ACTR3C: variants seen among roughly 807,000 people sequenced by gnomAD.
The protein encoded by ACTR3C is actin related protein 3C.
A neutral mutation model predicts 26.3 loss-of-function variants in ACTR3C; 18 were observed. The observed-to-expected ratio is 0.68, with a 90% CI of 0.47 to 1.01. ACTR3C has a LOEUF of 1.01. ACTR3C is among the 50% of genes least tolerant of loss of function. The pLI, the probability that ACTR3C is intolerant of heterozygous loss-of-function variation, is 0.00. For synonymous variants in ACTR3C, 55 were observed against 94.5 expected, an observed-to-expected ratio of 0.58 and a Z score of 2.42; for missense variants, 184 against 250.7, an observed-to-expected ratio of 0.73 and a Z score of 1.80.
chr7:150,011,885 T>C, the ACTR3C span, among the ~76,000 whole-genome samples: 33,237 of 152,156 alleles, frequency 0.22, 3,837 homozygotes, highest in East Asian at 0.42. Context: ...TATAAAATGC[T>C]TACTGTCTAG....
the ACTR3C span, among the ~76,000 whole-genome samples, chr7:150,137,655 CA>C: frequency 6.6e-6 from 1 of 152,114 alleles, no homozygotes; most frequent in African/African-American, 2.4e-5. Flanking sequence ...GAAAATAGTA[CA>C]AACCGTTTAG....
At chr7:150,147,695 A>G in the ACTR3C span, among the ~76,000 whole-genome samples, 1 of 152,196 alleles carries the variant, frequency 6.6e-6, no homozygotes. Flanking sequence ...TCTGTGGGTC[A>G]GGCAGCAGTC....
chr7:150,229,036 T>C, the ACTR3C span, among the ~76,000 whole-genome samples: 1 of 152,094 alleles, frequency 6.6e-6, no homozygotes, highest in Admixed American at 6.6e-5. Context: ...AAATTTGTTA[T>C]ACTACAAATT....
intron 1 of ACTR3C, among the ~76,000 whole-genome samples, chr7:150,297,092 A>T (rs1265822788): frequency 6.6e-6 from 1 of 151,734 alleles, no homozygotes; most frequent in Non-Finnish European, 1.5e-5. Context: ...TACGACAGGG[A>T]AAGTACAATC....
the ACTR3C span, among the ~76,000 whole-genome samples, chr7:150,039,783 G>T: frequency 7.4e-6 from 1 of 135,964 alleles, no homozygotes; most frequent in Non-Finnish European, 1.7e-5. Context: ...AGCCAGGGGG[G>T]GAAGAGGGAC....
chr7:149,929,425 CAAAAAAAAAAAAA>C, the ACTR3C span, among the ~76,000 whole-genome samples: 2 of 49,128 alleles, frequency 4.1e-5, no homozygotes, highest in African/African-American at 9.0e-5. Flanking sequence ...AAGATTCTGT[CAAAAAAAAAAAAA>C]AAAAAAAAAA....
At chr7:149,909,886 C>T in the ACTR3C span, among the ~76,000 whole-genome samples, 1 of 148,450 alleles carries the variant, frequency 6.7e-6, no homozygotes, top group Non-Finnish European at 1.5e-5. Context: ...TCAAAGAAAG[C>T]AGTTTTGCAA....
the ACTR3C span, among the ~76,000 whole-genome samples, chr7:150,067,460 T>C: frequency 6.6e-6 from 1 of 152,170 alleles, no homozygotes; most frequent in Admixed American, 6.5e-5. Flanking sequence ...TAGAAGGATA[T>C]AGTAACCCAT....
chr7:150,006,069 A>G, the ACTR3C span, among the ~76,000 whole-genome samples: 3 of 151,982 alleles, frequency 2.0e-5, no homozygotes, highest in South Asian at 6.3e-4. Context: ...GAGGATTCCT[A>G]TTTGCTGTGA....
chr7:150,317,318 G>A (rs1797032314), intron 1 of ACTR3C, among the ~76,000 whole-genome samples: 1 of 152,170 alleles, frequency 6.6e-6, no homozygotes, highest in African/African-American at 2.4e-5. Context: ...CTCCCAAAGT[G>A]CTGGGATTAC....
At chr7:150,034,339 T>C in the ACTR3C span, among the ~76,000 whole-genome samples, 8 of 150,232 alleles carry the variant, frequency 5.3e-5, no homozygotes, top group East Asian at 2.0e-4. Flanking sequence ...GCTGCCATCT[T>C]TTCTCTCTCT....
At chr7:150,160,355 G>T in the ACTR3C span, among the ~76,000 whole-genome samples, 1 of 152,006 alleles carries the variant, frequency 6.6e-6, no homozygotes, top group Non-Finnish European at 1.5e-5. Context: ...GTACTCAAAA[G>T]AAACTCTTTC....
chr7:150,050,564 C>T, the ACTR3C span, among the ~76,000 whole-genome samples: 1 of 152,056 alleles, frequency 6.6e-6, no homozygotes, highest in African/African-American at 2.4e-5. Flanking sequence ...AAAATTTGTG[C>T]TGGGAAGCAA....
chr7:150,110,052 G>A, the ACTR3C span, among the ~76,000 whole-genome samples: 5 of 131,858 alleles, frequency 3.8e-5, no homozygotes, highest in South Asian at 5.5e-4. Flanking sequence ...TGTGAGGCAC[G>A]GCGGCCCTTG....
the ACTR3C span, among the ~76,000 whole-genome samples, chr7:149,932,044 C>A: frequency 3.9e-5 from 6 of 152,156 alleles, no homozygotes; most frequent in African/African-American, 1.4e-4. Context: ...CAGTTCATAG[C>A]AGCCTCATTC....
the ACTR3C span, among the ~76,000 whole-genome samples, chr7:149,903,792 C>G: frequency 1.4e-5 from 2 of 147,640 alleles, no homozygotes; most frequent in Admixed American, 1.4e-4. Flanking sequence ...AATCCTCCCA[C>G]CTCGGCCTAC....
chr7:149,888,572 C>T, the ACTR3C span, among the ~76,000 whole-genome samples: 4 of 152,308 alleles, frequency 2.6e-5, no homozygotes, highest in South Asian at 8.3e-4. Flanking sequence ...GGTCTTTTCC[C>T]TATTGATTTA....
At chr7:149,994,106 T>A in the ACTR3C span, among the ~76,000 whole-genome samples, 1 of 152,186 alleles carries the variant, frequency 6.6e-6, no homozygotes, top group Non-Finnish European at 1.5e-5. Flanking sequence ...CATTCAGTTA[T>A]CCTCTTGTGA....
At chr7:150,053,385 T>G in the ACTR3C span, among the ~76,000 whole-genome samples, 1 of 152,176 alleles carries the variant, frequency 6.6e-6, no homozygotes, top group African/African-American at 2.4e-5. Flanking sequence ...GTTAAAGTGA[T>G]AGGAATGAGT....
Sources: gnomAD v4.1 joint callset for allele counts (sites outside exome capture counted in the v4.1 genomes callset) on GRCh38, gnomAD v4.1.1 for gene constraint, MANE v1.5 for transcripts, NCBI Gene and HGNC (gene_info 2026-07-23, HGNC 2026-07-21) for gene names.